The following DOCK1 variants were observed in gnomAD, a reference collection of about 807,000 sequenced individuals.
DOCK1 encodes dedicator of cytokinesis 1.
DOCK1 carries 138 observed loss-of-function variants against 262.7 expected under a neutral mutation model. That is an observed-to-expected ratio of 0.53 (90% CI 0.46 to 0.61). The LOEUF is 0.61. Among genes scored for constraint, DOCK1 ranks in the 20% least tolerant of loss-of-function variants. DOCK1 has a pLI of 0.00. For synonymous variants in DOCK1, 866 were observed against 867.4 expected (o/e 1.00, Z 0.03); for missense variants, 1,908 against 2,370.7 (o/e 0.80, Z 4.05).
At chr10:127,276,891 A>T (rs969525497) in intron 29 of DOCK1, among the ~76,000 whole-genome samples, 1 of 152,188 alleles carries the variant, frequency 6.6e-6, no homozygotes, top group Non-Finnish European at 1.5e-5. Context: ...CTAGTTCCTC[A>T]GAGATGTAAG....
intron 38 of DOCK1, among the ~76,000 whole-genome samples, chr10:127,385,254 T>G (rs1322273152): frequency 6.6e-6 from 1 of 152,204 alleles, no homozygotes; most frequent in Non-Finnish European, 1.5e-5. Context: ...CACGGAAGAA[T>G]TAATCCCATG....
chr10:127,125,659 T>C, intron 26 of DOCK1, 58 bp downstream of exon 26: 1 of 1,588,106 alleles, frequency 6.3e-7, no homozygotes, highest in South Asian at 1.2e-5. Flanking sequence ...CCATTTGCCT[T>C]GCAGTACAAC....
chr10:126,972,673 C>T (rs2038205015), intron 2 of DOCK1, among the ~76,000 whole-genome samples: 1 of 151,998 alleles, frequency 6.6e-6, no homozygotes, highest in Non-Finnish European at 1.5e-5. Context: ...GCCCAGCTTC[C>T]TGCTCGAGGC....
intron 22 of DOCK1, among the ~76,000 whole-genome samples, chr10:127,058,315 C>G (rs2045305448): frequency 6.6e-6 from 1 of 151,920 alleles, no homozygotes. Context: ...ATTCCTTAAT[C>G]AATATGAAAA....
At chr10:127,371,534 G>C (rs770055904) in intron 33 of DOCK1, among the ~76,000 whole-genome samples, 59 of 152,154 alleles carry the variant, frequency 3.9e-4, no homozygotes, top group Non-Finnish European at 7.6e-4. Context: ...CCTTTGGCTT[G>C]ACCATTGATG....
intron 23 of DOCK1, among the ~76,000 whole-genome samples, chr10:127,072,576 C>G (rs1564781942): frequency 6.6e-6 from 1 of 152,238 alleles, no homozygotes; most frequent in Non-Finnish European, 1.5e-5. Context: ...AGGTAGTCAC[C>G]ATGAGGTGCT....
chr10:127,204,099 T>A (rs1589932222), intron 27 of DOCK1, among the ~76,000 whole-genome samples: 1 of 152,108 alleles, frequency 6.6e-6, no homozygotes, highest in Non-Finnish European at 1.5e-5. Flanking sequence ...CCCCCTTGCC[T>A]GGACGGAGGC....
chr10:127,358,218 G>T (rs7099170), intron 32 of DOCK1, among the ~76,000 whole-genome samples: 10 of 151,922 alleles, frequency 6.6e-5, no homozygotes, highest in Admixed American at 5.2e-4. Context: ...ATAGAGAGGA[G>T]CATCTCAGCT....
chr10:127,092,744 A>G (rs1410226191), intron 23 of DOCK1, among the ~76,000 whole-genome samples: 1 of 152,160 alleles, frequency 6.6e-6, no homozygotes, highest in African/African-American at 2.4e-5. Flanking sequence ...CAGTCTCCCA[A>G]GGTGCTGGGA....
At chr10:127,403,262 T>C in intron 39 of DOCK1, 118 bp downstream of exon 39, 1 of 938,238 alleles carries the variant, frequency 1.1e-6, no homozygotes, top group South Asian at 1.8e-5. Context: ...ACCTTGGCCA[T>C]GTCCCTCCGT....
intron 1 of DOCK1, among the ~76,000 whole-genome samples, chr10:126,922,089 G>A (rs1036167993): frequency 2.6e-5 from 4 of 151,644 alleles, no homozygotes; most frequent in African/African-American, 4.8e-5. Context: ...GCACACACCT[G>A]TAGTCCCAGC....
In DOCK1 at chr10:127,050,147, C is replaced by T. The variant is rs191398716; in HGVS notation, c.2202-2534C>T. ...AGTCAGATCATGCGGCAGTAAACAT[C>T]ATTTGATTCATTTGTAATTGTTTCT... On this transcript the variant is annotated intron_variant, in intron 21 of 51. Coordinates refer to ENST00000623213, the MANE Select transcript of DOCK1 (RefSeq NM_001290223.2). Among the ~76,000 whole-genome samples, 26 of 151,532 alleles carry T rather than the reference C, an allele frequency of 1.7e-4. No individual in the cohort carries two copies. In the East Asian group the frequency reaches 5.0e-3, roughly 29 times the overall value.
At chr10:127,251,362 A>C (rs34007696) in intron 28 of DOCK1, among the ~76,000 whole-genome samples, 50,243 of 151,410 alleles carry the variant, frequency 0.33, 9,594 homozygotes, top group South Asian at 0.57. Context: ...AGTGGCCAAA[A>C]CACTTTCCAT....
At chr10:127,376,825 G>A (rs1000681470) in intron 35 of DOCK1, among the ~76,000 whole-genome samples, 4 of 152,180 alleles carry the variant, frequency 2.6e-5, no homozygotes, top group African/African-American at 9.6e-5. Context: ...ATGCTCACCA[G>A]GACATGAAAC....
chr10:127,075,169 C>CA (rs71032536), intron 23 of DOCK1, among the ~76,000 whole-genome samples: 1,722 of 64,278 alleles, frequency 0.027, 158 homozygotes, highest in African/African-American at 0.054. Context: ...AACTCTGTCT[C>CA]AAAAAAAAAA....
intron 15 of DOCK1, chr10:127,026,107 G>A: frequency 2.1e-6 from 1 of 486,100 alleles, no homozygotes; most frequent in African/African-American, 2.0e-5. Context: ...AATGGTCAGA[G>A]CATTCAGAAA....
At chr10:127,322,555 A>G (rs757518475) in intron 29 of DOCK1, among the ~76,000 whole-genome samples, 1 of 152,176 alleles carries the variant, frequency 6.6e-6, no homozygotes. Context: ...CCAGCCCTCC[A>G]TCTGTAGTGT....
chr10:127,029,393 C>T (rs998429475), intron 16 of DOCK1, among the ~76,000 whole-genome samples: 2 of 152,234 alleles, frequency 1.3e-5, no homozygotes, highest in African/African-American at 2.4e-5. Flanking sequence ...TGGGATTTCT[C>T]ACCTGGGATC....
At chr10:127,304,383 T>C (rs2135453116) in intron 29 of DOCK1, among the ~76,000 whole-genome samples, 1 of 152,290 alleles carries the variant, frequency 6.6e-6, no homozygotes, top group South Asian at 2.1e-4. Flanking sequence ...AATTCTAATA[T>C]ATATTTGTAT....
Sources: allele counts gnomAD v4.1 joint callset (sites outside exome capture counted in the v4.1 genomes callset), GRCh38; gene constraint gnomAD v4.1.1; transcripts MANE v1.5; gene names NCBI Gene and HGNC (gene_info 2026-07-23, HGNC 2026-07-21).